Variants in PRH1 observed in about 807,000 individuals in gnomAD.
PRH1 encodes the protein proline rich protein HaeIII subfamily 1.
In PRH1, 7 loss-of-function variants were observed where a neutral mutation model predicts 7.9. That is an observed-to-expected ratio of 0.89 (90% confidence interval 0.50 to 1.67). The LOEUF (loss-of-function observed/expected upper bound fraction) is 1.67, where lower values mean the gene tolerates loss of function less well. Among genes scored for constraint, PRH1 ranks in the 40% most tolerant of loss-of-function variants. The pLI is 0.00. For missense variants in PRH1, 109 were observed against 223.6 expected (o/e 0.49, Z 3.27); for synonymous variants, 45 against 80.8 (o/e 0.56, Z 2.38).
chr12:11,133,609 A>G (rs553566059), intron 1 of PRH1: 7 of 1,614,276 alleles, frequency 4.3e-6, no homozygotes, highest in South Asian at 2.2e-5. Context: ...ATCCTTTGCC[A>G]TGGAGCTGCA....
chr12:10,970,656 C>T (rs911370122), intron 2 of PRH1, among the ~76,000 whole-genome samples: 1 of 151,878 alleles, frequency 6.6e-6, no homozygotes, highest in African/African-American at 2.4e-5. Context: ...CCTCCGCCTC[C>T]CAGGTTGAAG....
At chr12:11,098,935 T>A (rs1489902530) in intron 1 of PRH1, among the ~76,000 whole-genome samples, 1 of 152,218 alleles carries the variant, frequency 6.6e-6, no homozygotes. Flanking sequence ...TTAGCCCTAT[T>A]TTCCCACTCA....
chr12:10,970,369 G>A (rs2135949721), intron 2 of PRH1, among the ~76,000 whole-genome samples: 2 of 152,128 alleles, frequency 1.3e-5, no homozygotes, highest in East Asian at 3.9e-4. Flanking sequence ...AATATCTACA[G>A]TACCATAATT....
chr12:10,916,157 C>A (rs1204811575), intron 2 of PRH1, among the ~76,000 whole-genome samples: 1 of 152,028 alleles, frequency 6.6e-6, no homozygotes, highest in Non-Finnish European at 1.5e-5. Flanking sequence ...AAGGCAACTC[C>A]CCTTTATAAA....
At chr12:11,049,056 T>A (rs1465905807), upstream of PRH1, 1 of 330,734 alleles carries the variant, frequency 3.0e-6, no homozygotes, top group African/African-American at 2.2e-5. Flanking sequence ...CACAGTTGCA[T>A]ACCAATGTAA....
intron 1 of PRH1, among the ~76,000 whole-genome samples, chr12:10,988,411 A>G (rs1939759049): frequency 6.6e-6 from 1 of 152,122 alleles, no homozygotes; most frequent in African/African-American, 2.4e-5. Flanking sequence ...AATGTTTGAA[A>G]GGATTTGTGT....
In PRH1 at chr12:10,940,770, C is replaced by T. The variant is rs547189192; in HGVS notation, c.-59+32885G>A. Reference sequence around the variant, plus strand: ...GAGCAAAGCACCAATGAAACAAATTCAGCAACAGCTACCAAACAAAGTAGA... The same window carrying T: ...GAGCAAAGCACCAATGAAACAAATTTAGCAACAGCTACCAAACAAAGTAGA... On this transcript the variant is annotated intron_variant, in intron 2 of 3. Coordinates refer to the PRH1 transcript ENST00000539853. Among the ~76,000 whole-genome samples the T allele has an allele frequency of 8.5e-5, 13 of 152,278 alleles. No homozygotes were observed. In the South Asian group the frequency reaches 2.1e-3, roughly 24 times the overall value.
At chr12:11,036,249 G>T (rs112939347) in intron 1 of PRH1, among the ~76,000 whole-genome samples, 12 of 152,248 alleles carry the variant, frequency 7.9e-5, no homozygotes, top group African/African-American at 2.9e-4. Flanking sequence ...ATCATTGAAA[G>T]ATCAAATAGT....
chr12:10,958,983 T>G (rs1276246605), intron 2 of PRH1, among the ~76,000 whole-genome samples: 1 of 152,180 alleles, frequency 6.6e-6, no homozygotes, highest in Non-Finnish European at 1.5e-5. Flanking sequence ...TAAAAGGATG[T>G]GCAGAACTAG....
intron 1 of PRH1, among the ~76,000 whole-genome samples, chr12:11,160,520 T>C (rs2136452755): frequency 6.6e-6 from 1 of 152,268 alleles, no homozygotes; most frequent in South Asian, 2.1e-4. Flanking sequence ...ACACAGGCTG[T>C]ACTGCAGTGG....
At chr12:11,030,492 C>T in intron 1 of PRH1, 3 of 1,614,250 alleles carry the variant, frequency 1.9e-6, no homozygotes, top group Non-Finnish European at 2.5e-6. Flanking sequence ...TTCTTGTTTC[C>T]CCAAATCAGG....
At chr12:11,143,296 A>G (rs1946760890) in intron 1 of PRH1, among the ~76,000 whole-genome samples, 1 of 152,336 alleles carries the variant, frequency 6.6e-6, no homozygotes, top group Non-Finnish European at 1.5e-5. Flanking sequence ...AGCTTGAAAT[A>G]ATGGGTTACA....
chr12:10,923,414 C>A (rs1950080308), intron 2 of PRH1, among the ~76,000 whole-genome samples: 1 of 152,180 alleles, frequency 6.6e-6, no homozygotes, highest in Non-Finnish European at 1.5e-5. Context: ...CAGGCGTGAG[C>A]CAACATGCCC....
At chr12:11,146,204 C>T (rs777243223) in intron 1 of PRH1, among the ~76,000 whole-genome samples, 2 of 152,078 alleles carry the variant, frequency 1.3e-5, no homozygotes, top group Non-Finnish European at 1.5e-5. Context: ...TCATTCTGTG[C>T]GTCTTTACAC....
intron 1 of PRH1, among the ~76,000 whole-genome samples, chr12:10,985,568 T>G (rs1445084105): frequency 6.6e-6 from 1 of 152,150 alleles, no homozygotes; most frequent in Non-Finnish European, 1.5e-5. Context: ...TGTCACTTCT[T>G]AACAATTATA....
intron 2 of PRH1, among the ~76,000 whole-genome samples, chr12:10,903,810 A>G (rs1215907246): frequency 6.6e-6 from 1 of 151,868 alleles, no homozygotes; most frequent in Non-Finnish European, 1.5e-5. Flanking sequence ...TGGCACAGAT[A>G]AAGGACTTCT....
At chr12:11,004,727 A>G (rs1940749434) in intron 1 of PRH1, among the ~76,000 whole-genome samples, 1 of 152,022 alleles carries the variant, frequency 6.6e-6, no homozygotes. Context: ...TTTGTTATGA[A>G]CAAGTGTAAT....
At chr12:10,925,366 A>G (rs1048937202) in intron 2 of PRH1, among the ~76,000 whole-genome samples, 1 of 152,176 alleles carries the variant, frequency 6.6e-6, no homozygotes, top group Non-Finnish European at 1.5e-5. Flanking sequence ...CCCTTCATAC[A>G]CAAATCTCAG....
chr12:11,114,916 C>CA (rs1294020215), intron 1 of PRH1, among the ~76,000 whole-genome samples: 3 of 151,670 alleles, frequency 2.0e-5, no homozygotes, highest in Non-Finnish European at 4.4e-5. Flanking sequence ...ACATAAAAAG[C>CA]AAAAAACTAT....
Sources: allele counts gnomAD v4.1 joint callset (sites outside exome capture counted in the v4.1 genomes callset), GRCh38; gene constraint gnomAD v4.1.1; transcripts MANE v1.5; gene names NCBI Gene and HGNC (gene_info 2026-07-23, HGNC 2026-07-21).